Variants in ZNF536 observed in about 807,000 individuals in gnomAD.
The protein encoded by ZNF536 is zinc finger protein 536.
ZNF536 carries 13 observed loss-of-function variants against 84.5 expected under a neutral mutation model. That is an observed-to-expected ratio of 0.15 (90% CI 0.10 to 0.24). The LOEUF (loss-of-function observed/expected upper bound fraction) is 0.24. Among genes scored for constraint, ZNF536 ranks in the 10% least tolerant of loss-of-function variants. The pLI, the probability that ZNF536 is intolerant of heterozygous loss-of-function variation, is 1.00. For synonymous variants in ZNF536, 811 were observed against 742.5 expected, an observed-to-expected ratio of 1.09 and a Z score of -1.50; for missense variants, 1,536 against 1,747.5, an observed-to-expected ratio of 0.88 and a Z score of 2.16.
At chr19:30,241,733 G>T (rs1210777845) in intron 1 of ZNF536, among the ~76,000 whole-genome samples, 1 of 152,222 alleles carries the variant, frequency 6.6e-6, no homozygotes. Flanking sequence ...TCTGCTATGT[G>T]CCAGGCACCT....
chr19:30,239,911 A>T (rs1364942536), intron 1 of ZNF536, among the ~76,000 whole-genome samples: 1 of 152,212 alleles, frequency 6.6e-6, no homozygotes, highest in East Asian at 1.9e-4. Context: ...GTTGCCTTTC[A>T]TCTGCTCTCA....
At chr19:30,686,739 G>A (rs1294113276) in intron 1 of ZNF536, among the ~76,000 whole-genome samples, 2 of 152,096 alleles carry the variant, frequency 1.3e-5, no homozygotes, top group African/African-American at 2.4e-5. Context: ...CTTCAGCGTC[G>A]CACACTCTCA....
At chr19:30,268,559 A>C (rs2025649079) in intron 1 of ZNF536, among the ~76,000 whole-genome samples, 1 of 152,142 alleles carries the variant, frequency 6.6e-6, no homozygotes, top group Admixed American at 6.5e-5. Context: ...CCTCCTGAGA[A>C]CTGCCTGGTG....
At chr19:30,319,130 G>T (rs764332610) in intron 2 of ZNF536, among the ~76,000 whole-genome samples, 1 of 152,162 alleles carries the variant, frequency 6.6e-6, no homozygotes, top group Non-Finnish European at 1.5e-5. Context: ...ATAGAAGTCC[G>T]GGCATGGCCA....
chr19:30,460,376 G>A (rs956513990), intron 2 of ZNF536, among the ~76,000 whole-genome samples: 4 of 152,168 alleles, frequency 2.6e-5, no homozygotes, highest in African/African-American at 4.8e-5. Context: ...TCACCGCTCC[G>A]AGGTTCTTCT....
chr19:30,423,121 GCATCCATCCATC>G (rs202164325), intron 1 of ZNF536, among the ~76,000 whole-genome samples: 2 of 25,230 alleles, frequency 7.9e-5, no homozygotes. Context: ...ATCCATCCAT[GCATCCATCCATC>G]CATCCATCCA....
At chr19:30,251,863 T>A (rs2024628895) in intron 1 of ZNF536, among the ~76,000 whole-genome samples, 1 of 152,234 alleles carries the variant, frequency 6.6e-6, no homozygotes, top group South Asian at 2.1e-4. Flanking sequence ...TTACTTCACT[T>A]AGACTAATAG....
At chr19:30,690,102 G>T (rs1004913308) in intron 1 of ZNF536, among the ~76,000 whole-genome samples, 1 of 152,182 alleles carries the variant, frequency 6.6e-6, no homozygotes, top group African/African-American at 2.4e-5. Context: ...CATAAAACTG[G>T]AATGGACATC....
rs560093991 is a variant in ZNF536 at position 30,283,606 on chromosome 19, T to G, written c.-189-466T>G. ...CTGGCTACCAAACAGGTTTGGCCAG[T>G]TGAAATTTGGGTGGAATTTTGGTCT... On this transcript the variant is annotated intron_variant, in intron 1 of 5. Coordinates refer to the ZNF536 transcript ENST00000585628. Among the ~76,000 whole-genome samples, 4 of 152,258 alleles carry G rather than the reference T, an allele frequency of 2.6e-5. No individual in the cohort carries two copies. The South Asian group carries it at 8.3e-4, about 32-fold the overall frequency.
At chr19:30,692,436 A>G (rs1276881716) in intron 1 of ZNF536, among the ~76,000 whole-genome samples, 2 of 152,242 alleles carry the variant, frequency 1.3e-5, no homozygotes, top group African/African-American at 2.4e-5. Flanking sequence ...AATTTATATA[A>G]CAGTAATTCT....
chr19:30,376,106 A>G (rs1041723533), intron 1 of ZNF536, among the ~76,000 whole-genome samples: 4 of 152,000 alleles, frequency 2.6e-5, no homozygotes, highest in African/African-American at 9.7e-5. Flanking sequence ...CAGCTGCTGT[A>G]GCGCCCTCTC....
At chr19:30,672,311 G>A (rs866199087) in intron 1 of ZNF536, among the ~76,000 whole-genome samples, 2 of 152,210 alleles carry the variant, frequency 1.3e-5, no homozygotes, top group Non-Finnish European at 2.9e-5. Flanking sequence ...CAGGGCTGCC[G>A]TTGCTCAGGT....
chr19:30,602,828 G>T (rs575884632), intron 1 of ZNF536, among the ~76,000 whole-genome samples: 270 of 152,162 alleles, frequency 1.8e-3, no homozygotes, highest in Non-Finnish European at 3.3e-3. Flanking sequence ...GGGATTCAGG[G>T]AGCAAGCGGC....
At chr19:30,376,873 C>T (rs2048839075) in intron 1 of ZNF536, among the ~76,000 whole-genome samples, 1 of 152,212 alleles carries the variant, frequency 6.6e-6, no homozygotes. Flanking sequence ...AGGACCTTAC[C>T]TTCGGGTTCA....
At chr19:30,465,378 G>A (rs1399418597) in intron 2 of ZNF536, among the ~76,000 whole-genome samples, 1 of 152,154 alleles carries the variant, frequency 6.6e-6, no homozygotes, top group East Asian at 1.9e-4. Flanking sequence ...TTTCTCTGTA[G>A]GATTTGCATC....
intron 2 of ZNF536, among the ~76,000 whole-genome samples, chr19:30,484,584 C>G (rs149083223): frequency 1.3e-5 from 2 of 151,834 alleles, no homozygotes; most frequent in South Asian, 4.2e-4. Flanking sequence ...CTTGTTCTTT[C>G]TCTGTGCTCT....
Position 30,375,165 on chromosome 19 carries a change from C to T in ZNF536, c.-3+2609C>T, listed in dbSNP as rs1342998681. On this transcript the variant is annotated intron_variant, in intron 1 of 4. Coordinates refer to ENST00000355537, the MANE Select transcript of ZNF536 (RefSeq NM_014717.3). ...CGCGGTGCAGGAACGCGAGCCCCGC[C>T]GCCGAGCCTCCCGCCGCCTGCGTTC... is the stretch of plus-strand genomic sequence containing the variant. 6.0e-5 allele frequency among the ~76,000 whole-genome samples: 9 copies of T among 150,206 alleles called. No homozygotes were observed. In the South Asian group the frequency reaches 1.5e-3, roughly 24 times the overall value.
At chr19:30,453,019 C>T (rs546824224) in intron 2 of ZNF536, among the ~76,000 whole-genome samples, 1 of 152,144 alleles carries the variant, frequency 6.6e-6, no homozygotes, top group Admixed American at 6.5e-5. Context: ...CTGATCTCCC[C>T]AGGAAGTGAG....
chr19:30,531,713 C>T (rs1383867557), intron 2 of ZNF536, among the ~76,000 whole-genome samples: 2 of 152,134 alleles, frequency 1.3e-5, no homozygotes, highest in Non-Finnish European at 2.9e-5. Flanking sequence ...CAGCCTCGAC[C>T]TCTCGAGTTC....
Sources: allele counts gnomAD v4.1 joint callset (sites outside exome capture counted in the v4.1 genomes callset), GRCh38; gene constraint gnomAD v4.1.1; transcripts MANE v1.5; gene names NCBI Gene and HGNC (gene_info 2026-07-23, HGNC 2026-07-21).